Variants in TAF15 observed in about 807,000 individuals in gnomAD.
TAF15 encodes the protein TATA-binding protein-associated factor 2N.
In TAF15, 37 loss-of-function variants were observed where a neutral mutation model predicts 102.5. The observed-to-expected ratio is 0.36, with a 90% CI of 0.28 to 0.47. The LOEUF (loss-of-function observed/expected upper bound fraction) is 0.47, where lower values mean the gene tolerates loss of function less well. Ranked by LOEUF, TAF15 falls within the 20% of genes least tolerant of loss-of-function variation. The pLI is 0.99. For missense variants in TAF15, 652 were observed against 760.7 expected, an observed-to-expected ratio of 0.86 and a Z score of 1.68; for synonymous variants, 273 against 259.2, an observed-to-expected ratio of 1.05 and a Z score of -0.51.
chr17:35,844,681 G>A lies in TAF15; in HGVS notation c.1382G>A (p.Gly461Asp). 6.3e-7 allele frequency: 1 copy of A among 1,599,242 alleles called. No individual in the cohort carries two copies. The highest frequency in any genetic ancestry group is 8.5e-7 in the Non-Finnish European group (1 of 1,173,252). Residue 461 changes from glycine to aspartate, a missense_variant, in exon 15 of 16, where the codon GGC (glycine) becomes GAC (aspartate). Around this residue, in one of 3 missense-constraint regions of TAF15, gnomAD observed 368 missense variants for 367.5 expected, o/e 1.00. Transcript: ENST00000605844. Reference sequence around the variant, plus strand: ...GGTGGCTATGGTGGGGACAGAGGCGGCGGCTATGGTGGGGACAGAGGAGGC... The same window carrying A: ...GGTGGCTATGGTGGGGACAGAGGCGACGGCTATGGTGGGGACAGAGGAGGC... ...SGGGYGGDRG[G>D]GYGGDRGGGY...
chr17:35,821,627 A>C (rs1335087544), intron 5 of TAF15, among the ~76,000 whole-genome samples: 2 of 152,140 alleles, frequency 1.3e-5, no homozygotes, highest in East Asian at 1.9e-4. Context: ...AAGTAAACCT[A>C]CTGGAACTCA....
intron 7 of TAF15, among the ~76,000 whole-genome samples, chr17:35,826,849 C>T (rs182928979): frequency 1.7e-4 from 26 of 150,804 alleles, no homozygotes; most frequent in African/African-American, 5.3e-4. Context: ...TGAGCCACCA[C>T]GCCTGGCTGA....
intron 12 of TAF15, among the ~76,000 whole-genome samples, chr17:35,843,587 T>C (rs4251777): frequency 1.3e-5 from 2 of 152,176 alleles, no homozygotes; most frequent in Non-Finnish European, 2.9e-5. Flanking sequence ...GGGTATAGGT[T>C]AGGCATCCTA....
At chr17:35,831,854 G>A (rs1377400998) in intron 7 of TAF15, among the ~76,000 whole-genome samples, 8 of 151,970 alleles carry the variant, frequency 5.3e-5, no homozygotes, top group East Asian at 3.9e-4. Context: ...AGCCTGAGGC[G>A]GGCAGATCAC....
At chr17:35,834,644 G>GTTT (rs76903662) in intron 9 of TAF15, 46 bp downstream of exon 9, 19 of 1,395,214 alleles carry the variant, frequency 1.4e-5, no homozygotes, top group South Asian at 6.3e-5. Flanking sequence ...GAAAATGTTA[G>GTTT]TTTTTTTTTT....
intron 11 of TAF15, among the ~76,000 whole-genome samples, chr17:35,841,478 C>T (rs1188766766): frequency 6.9e-6 from 1 of 145,500 alleles, no homozygotes; most frequent in East Asian, 2.0e-4. Context: ...GCACCTGACT[C>T]TTTTTTTTTT....
In TAF15 at chr17:35,844,568, T is replaced by TG. The variant is rs1568282571; in HGVS notation, c.1274dup (p.Gly426TrpfsTer16). ...GAGGCGGCTATGGTGGAGACAGAAG[T>TG]GGGGGTGGCTATGGTGGAGACAGAA... is the stretch of plus-strand genomic sequence containing the variant. On this transcript the variant is annotated frameshift_variant, in exon 15 of 16. Transcript: ENST00000605844. LOFTEE classifies it high-confidence loss of function. 1 of 1,496,340 alleles carries TG rather than the reference T, an allele frequency of 6.7e-7. No individual in the cohort carries two copies. Among genetic ancestry groups the TG allele is most frequent in the Non-Finnish European group, 8.9e-7 (1 of 1,125,106 alleles). The allele number at this position is 1,496,340 out of a possible 1,614,324, so 92.7% of individuals were successfully genotyped here. A position where few individuals can be genotyped will look rare whatever the true frequency, so the allele number is the denominator to read the frequency against.
At chr17:35,841,339 C>T (rs961446643) in intron 11 of TAF15, among the ~76,000 whole-genome samples, 1 of 152,184 alleles carries the variant, frequency 6.6e-6, no homozygotes, top group African/African-American at 2.4e-5. Flanking sequence ...CACTTGCGCA[C>T]GTATTCATTC....
intron 2 of TAF15, among the ~76,000 whole-genome samples, chr17:35,819,190 T>A (rs945591912): frequency 1.3e-5 from 2 of 152,230 alleles, no homozygotes; most frequent in African/African-American, 2.4e-5. Context: ...CTAGTAGGTA[T>A]CTAGCAAAAT....
rs1223176752 is a variant in TAF15 at position 35,844,640 on chromosome 17, T to C, written c.1341T>C (p.Gly447=). 2.7e-5 allele frequency: 41 copies of C among 1,499,044 alleles called. No homozygotes were observed. The highest frequency in any genetic ancestry group is 3.1e-5 in the Non-Finnish European group (35 of 1,124,698). 92.9% of individuals were successfully genotyped at this position (1,499,044 alleles called of 1,614,324 possible). Residue 447 remains glycine (G), a synonymous_variant, in exon 15 of 16, where the codon GGT becomes GGC. Coordinates refer to ENST00000605844, the MANE Select transcript of TAF15 (RefSeq NM_139215.3). ...GAGATAGAAGTGGGGGCGGCTATGG[T>C]GGAGACAGAAGTGGGGGTGGCTATG... ...YSGDRSGGGY[G]GDRSGGGYGG...
chr17:35,830,683 A>C (rs2087393933), intron 7 of TAF15, among the ~76,000 whole-genome samples: 1 of 152,248 alleles, frequency 6.6e-6, no homozygotes, highest in South Asian at 2.1e-4. Context: ...TTTGAACTTG[A>C]AAGAAGGCTT....
intron 11 of TAF15, among the ~76,000 whole-genome samples, chr17:35,840,264 T>A (rs913940631): frequency 6.8e-6 from 1 of 147,178 alleles, no homozygotes; most frequent in African/African-American, 2.5e-5. Flanking sequence ...TTTTTTTTTT[T>A]TTTTTGAGAC....
chr17:35,824,202 A>C lies in TAF15; in HGVS notation c.605+4A>C. On this transcript the variant is annotated splice_donor_region_variant and intron_variant, in intron 7 of 15. Transcript: ENST00000605844. Reference sequence around the variant, plus strand: ...GAGGTCCTATGACAGGATCAAGGTAAGTATGTAGATAAAGATGCGTACATT... The same window carrying C: ...GAGGTCCTATGACAGGATCAAGGTACGTATGTAGATAAAGATGCGTACATT... 2 of 1,613,328 alleles carry C rather than the reference A, an allele frequency of 1.2e-6. No homozygotes were observed. The highest frequency in any genetic ancestry group is 1.7e-6 in the Non-Finnish European group (2 of 1,179,924).
chr17:35,826,607 G>T (rs1460475605), intron 7 of TAF15, among the ~76,000 whole-genome samples: 2 of 150,360 alleles, frequency 1.3e-5, no homozygotes, highest in African/African-American at 4.9e-5. Flanking sequence ...GCCCAGGCTG[G>T]AGTGCAGTGG....
intron 14 of TAF15, 29 bp from the exon 15 acceptor site, chr17:35,844,448 G>T: frequency 1.9e-6 from 3 of 1,613,460 alleles, no homozygotes; most frequent in Non-Finnish European, 2.5e-6. Flanking sequence ...GTTTCTGCTG[G>T]CCTCATTGTT....
chr17:35,837,102 G>A (rs1483193047), intron 10 of TAF15, among the ~76,000 whole-genome samples: 1 of 151,926 alleles, frequency 6.6e-6, no homozygotes, highest in Admixed American at 6.6e-5. Context: ...TTCTTTGGGA[G>A]TTATAATTTG....
intron 12 of TAF15, 51 bp from the exon 13 acceptor site, chr17:35,844,026 G>T: frequency 2.0e-6 from 3 of 1,509,668 alleles, no homozygotes; most frequent in Non-Finnish European, 2.8e-6. Context: ...CTTTTCTTCT[G>T]TTTTGTTAAT....
rs747254712 is a variant in TAF15, at chr17:35,844,507, G to C, written c.1208G>C (p.Arg403Thr). ...DFRGRGYGGE[R>T]GYRGRGGRGG... ...CGGGGGAGAGGCTACGGTGGAGAGA[G>C]GGGCTACAGAGGTCGTGGGGGCAGA... is the stretch of plus-strand genomic sequence containing the variant. Residue 403 changes from arginine to threonine, a missense_variant, in exon 15 of 16, where the codon AGG becomes ACG. Physicochemically the swap from Arg to Thr is moderately conservative, Grantham distance 71. Transcript: ENST00000605844. 1.2e-5 allele frequency: 20 copies of C among 1,612,400 alleles called. No homozygotes were observed. The highest frequency in any genetic ancestry group is 1.6e-5 in the Non-Finnish European group (19 of 1,178,786).
intron 1 of TAF15, chr17:35,810,824 CTTAGA>C (rs999974437): frequency 3.9e-5 from 6 of 152,180 alleles, no homozygotes; most frequent in African/African-American, 1.4e-4. Flanking sequence ...CTATACATTA[CTTAGA>C]TTAATGTTGA....
Sources: allele counts gnomAD v4.1 joint callset (sites outside exome capture counted in the v4.1 genomes callset), GRCh38; gene constraint gnomAD v4.1.1; regional missense constraint gnomAD v4.1.1; transcripts MANE v1.5; gene names NCBI Gene and HGNC (gene_info 2026-07-23, HGNC 2026-07-21).